The following HDHD5 variants were observed in gnomAD, a reference collection of about 807,000 sequenced individuals.
The protein encoded by HDHD5 is haloacid dehalogenase like hydrolase domain containing 5, also known as haloacid dehalogenase-like hydrolase domain-containing 5.
In HDHD5, 34 loss-of-function variants were observed where a neutral mutation model predicts 35.5. The observed-to-expected ratio is 0.96, with a 90% CI of 0.73 to 1.28. HDHD5 has a LOEUF of 1.28. HDHD5 is among the 50% of genes most tolerant of loss of function. HDHD5 has a pLI of 0.00. For missense variants in HDHD5, 589 were observed against 560.2 expected, an observed-to-expected ratio of 1.05 and a Z score of -0.52; for synonymous variants, 248 against 240.6, an observed-to-expected ratio of 1.03 and a Z score of -0.29.
At chr22:17,158,452 C>A (rs2061825966) in intron 1 of HDHD5, 1 of 152,256 alleles carries the variant, frequency 6.6e-6, no homozygotes, top group Non-Finnish European at 1.5e-5. Context: ...GTGGATCTGA[C>A]CAACCTGGTT....
intron 3 of HDHD5, among the ~76,000 whole-genome samples, chr22:17,145,759 C>T (rs1177975149): frequency 2.0e-5 from 3 of 152,096 alleles, no homozygotes; most frequent in Non-Finnish European, 4.4e-5. Context: ...CCAGTGTTCT[C>T]TGAGAACAGT....
chr22:17,141,365 C>T, intron 5 of HDHD5, 132 bp from the exon 6 acceptor site: 1 of 1,418,058 alleles, frequency 7.1e-7, no homozygotes. Flanking sequence ...GGGCACAGCT[C>T]CCCAACAAGC....
upstream of HDHD5, chr22:17,159,807 C>T (rs765085465): frequency 1.8e-5 from 5 of 280,800 alleles, no homozygotes; most frequent in Non-Finnish European, 2.8e-5. Flanking sequence ...GCGCGCACTG[C>T]GGAGAGGTAG....
At chr22:17,139,983 C>T (rs913319790) in intron 6 of HDHD5, among the ~76,000 whole-genome samples, 7 of 152,220 alleles carry the variant, frequency 4.6e-5, no homozygotes, top group African/African-American at 1.7e-4. Context: ...ACCAACCAAG[C>T]CCACTGATCT....
At position 17,138,664 on chromosome 22, in the gene HDHD5, T is replaced by G. The variant is rs1294491512; in HGVS notation, c.821A>C (p.Glu274Ala). The G allele has an allele frequency of 1.2e-6, 2 of 1,614,208 alleles. No individual in the cohort carries two copies. The highest frequency in any genetic ancestry group is 3.3e-5 in the Admixed American group (2 of 60,032). Residue 274 changes from glutamate to alanine, a missense_variant, in exon 7 of 8, where the codon GAG becomes GCG. Coordinates refer to ENST00000336737, the MANE Select transcript of HDHD5 (RefSeq NM_033070.3). ...QKVTGKELRY[E>A]GLMGKPSILT... ...GATGCTGGGTTTGCCCATCAGGCCC[T>G]CGTATCTCAGCTCCTTGCCCGTCAC...
chr22:17,145,607 A>T (rs1177244681), intron 3 of HDHD5, among the ~76,000 whole-genome samples: 1 of 152,080 alleles, frequency 6.6e-6, no homozygotes, highest in East Asian at 1.9e-4. Flanking sequence ...CAGGAGGATC[A>T]TTTGAGCCCA....
Position 17,148,442 on chromosome 22 carries a change from G to A in HDHD5, c.443+6C>T. On this transcript the variant is annotated splice_donor_region_variant and intron_variant, in intron 3 of 7. Coordinates refer to ENST00000336737, the MANE Select transcript of HDHD5 (RefSeq NM_033070.3). ...CCTTCAGCCAGAGTTAAGACCAAAA[G>A]GATACCCCTGGGCATTTTCCATCAC... The A allele has an allele frequency of 6.2e-7, 1 of 1,611,032 alleles. No homozygotes were observed. Among genetic ancestry groups the A allele is most frequent in the Non-Finnish European group, 8.5e-7 (1 of 1,177,224 alleles).
At chr22:17,144,742 G>C (rs2061640940) in intron 4 of HDHD5, among the ~76,000 whole-genome samples, 1 of 151,368 alleles carries the variant, frequency 6.6e-6, no homozygotes, top group Non-Finnish European at 1.5e-5. Flanking sequence ...GTAGAGACGG[G>C]GTCTCACTAT....
At chr22:17,156,912 T>A (rs2061799137) in intron 1 of HDHD5, among the ~76,000 whole-genome samples, 1 of 151,586 alleles carries the variant, frequency 6.6e-6, no homozygotes, top group Non-Finnish European at 1.5e-5. Context: ...ACCCCGTCTC[T>A]ACTAAAAATA....
At chr22:17,142,265 A>G (rs1053941381) in intron 5 of HDHD5, 1 of 152,218 alleles carries the variant, frequency 6.6e-6, no homozygotes, top group Non-Finnish European at 1.5e-5. Context: ...TAACATTTGA[A>G]TGTCCCACCT....
In HDHD5 at chr22:17,138,057, C is replaced by T. The variant is rs1358305774; in HGVS notation, c.1236G>A (p.Gln412=). The T allele has an allele frequency of 2.5e-6, 4 of 1,613,546 alleles. No individual in the cohort carries two copies. The East Asian group carries it at 8.9e-5, about 36-fold the overall frequency. Residue 412 remains glutamine (Q), a synonymous_variant, in exon 8 of 8, where the codon CAG becomes CAA. Transcript: ENST00000336737. ...CCCAGCCCTCCTTGCGGAAGACCAG[C>T]TGCACAGCCTCATTCACGTCATTCA... ...HVVNDVNEAV[Q]LVFRKEGWAL...
At chr22:17,143,035 C>T (rs868410482) in intron 5 of HDHD5, 63 bp downstream of exon 5, 2 of 1,583,350 alleles carry the variant, frequency 1.3e-6, no homozygotes, top group Middle Eastern at 1.7e-4. Flanking sequence ...ACTGAGACAG[C>T]CTGAGGGCCA....
At chr22:17,152,531 T>C (rs1433184746) in intron 1 of HDHD5, among the ~76,000 whole-genome samples, 12 of 151,846 alleles carry the variant, frequency 7.9e-5, no homozygotes, top group Non-Finnish European at 8.8e-5. Flanking sequence ...AAGGGCACAG[T>C]AGGAGCGGGC....
At chr22:17,164,266 A>G (rs1327435132), upstream of HDHD5, among the ~76,000 whole-genome samples, 2 of 149,970 alleles carry the variant, frequency 1.3e-5, no homozygotes, top group African/African-American at 2.5e-5. Context: ...ATGACTGTTC[A>G]TACTCCTACT....
chr22:17,160,669 T>G (rs1289924350), upstream of HDHD5, among the ~76,000 whole-genome samples: 1 of 149,838 alleles, frequency 6.7e-6, no homozygotes, highest in Non-Finnish European at 1.5e-5. Flanking sequence ...AAAATAATAA[T>G]AATAATAATA....
At chr22:17,147,931 G>A (rs568615195) in intron 3 of HDHD5, among the ~76,000 whole-genome samples, 6 of 152,378 alleles carry the variant, frequency 3.9e-5, no homozygotes, top group African/African-American at 1.2e-4. Context: ...CCCATTCAGA[G>A]TGTGCGGCAG....
Position 17,137,653 on chromosome 22 carries a change from T to TGGTC in HDHD5, c.*367_*368insGACC. The TGGTC allele has an allele frequency of 4.9e-6, 1 of 203,964 alleles. No individual in the cohort carries two copies. Among genetic ancestry groups the TGGTC allele is most frequent in the Admixed American group, 5.4e-5 (1 of 18,500 alleles). 12.6% of individuals were successfully genotyped at this position (203,964 alleles called of 1,614,324 possible). On this transcript the variant is annotated 3_prime_UTR_variant, in exon 8 of 8. Coordinates refer to ENST00000336737, the MANE Select transcript of HDHD5 (RefSeq NM_033070.3). The stretch of plus-strand genomic sequence containing the variant: ...CTGCCGACAGGCTGCATGCCTTCAG[T>TGGTC]GCCGGCAAAGGCTCTGCACAGACAT...
At chr22:17,147,511 G>A (rs1305934596) in intron 3 of HDHD5, among the ~76,000 whole-genome samples, 7 of 132,024 alleles carry the variant, frequency 5.3e-5, no homozygotes, top group African/African-American at 8.8e-5. Context: ...TCGATCACAC[G>A]CCATCGCACA....
intron 1 of HDHD5, among the ~76,000 whole-genome samples, chr22:17,156,975 G>A (rs2061800307): frequency 6.6e-6 from 1 of 151,796 alleles, no homozygotes; most frequent in Non-Finnish European, 1.5e-5. Flanking sequence ...GTACTTGGGA[G>A]GCTGAGGCAG....
Sources: allele counts gnomAD v4.1 joint callset (sites outside exome capture counted in the v4.1 genomes callset), GRCh38; gene constraint gnomAD v4.1.1; transcripts MANE v1.5; gene names NCBI Gene and HGNC (gene_info 2026-07-23, HGNC 2026-07-21).